DNAAF9: variants seen among roughly 807,000 people sequenced by gnomAD.
DNAAF9 encodes the protein shulin.
Under a neutral mutation model 167.0 loss-of-function variants are expected in DNAAF9, and 90 were observed. That is an observed-to-expected ratio of 0.54 (90% CI 0.45 to 0.64). The LOEUF (loss-of-function observed/expected upper bound fraction) is 0.64. Among genes scored for constraint, DNAAF9 ranks in the 30% least tolerant of loss-of-function variants. The pLI is 0.00. For synonymous variants in DNAAF9, 491 were observed against 508.8 expected, an observed-to-expected ratio of 0.96 and a Z score of 0.47; for missense variants, 1,315 against 1,442.2, an observed-to-expected ratio of 0.91 and a Z score of 1.43.
intron 14 of DNAAF9, among the ~76,000 whole-genome samples, chr20:3,323,878 G>A (rs951011213): frequency 1.3e-5 from 2 of 152,224 alleles, no homozygotes; most frequent in Non-Finnish European, 2.9e-5. Flanking sequence ...TTTACAAGGT[G>A]GGTAGCTGAA....
At chr20:3,293,623 T>C (rs898432831) in intron 25 of DNAAF9, among the ~76,000 whole-genome samples, 31 of 139,502 alleles carry the variant, frequency 2.2e-4, no homozygotes, top group Admixed American at 3.9e-4. Context: ...GGGCGGAGGT[T>C]GCAGTGAGCC....
intron 29 of DNAAF9, among the ~76,000 whole-genome samples, chr20:3,276,269 G>A (rs1169041649): frequency 6.6e-6 from 1 of 152,132 alleles, no homozygotes; most frequent in Non-Finnish European, 1.5e-5. Context: ...TCCCTCCCCA[G>A]ACAGCCCATG....
chr20:3,343,062 T>TA (rs5839994), intron 9 of DNAAF9, among the ~76,000 whole-genome samples: 112,680 of 152,004 alleles, frequency 0.74, 42,008 homozygotes, highest in African/African-American at 0.82. Context: ...CATGTTCATT[T>TA]GTTAGGTCCC....
chr20:3,397,720 G>T (rs74573746), intron 1 of DNAAF9, among the ~76,000 whole-genome samples: 108 of 39,602 alleles, frequency 2.7e-3, no homozygotes, highest in South Asian at 2.8e-3. Flanking sequence ...GATTTTTTTT[G>T]GGGGGGGGGA....
At chr20:3,310,748 A>T (rs185160354) in intron 20 of DNAAF9, among the ~76,000 whole-genome samples, 1 of 152,242 alleles carries the variant, frequency 6.6e-6, no homozygotes, top group East Asian at 1.9e-4. Context: ...ACATGAGCAA[A>T]AAACAAGAAC....
intron 30 of DNAAF9, 25 bp downstream of exon 30, chr20:3,270,402 C>A: frequency 1.2e-6 from 2 of 1,609,126 alleles, no homozygotes; most frequent in South Asian, 2.2e-5. Context: ...AGCAACTGGT[C>A]TTGCAGAGTG....
At chr20:3,389,577 T>C (rs2083797567) in intron 1 of DNAAF9, among the ~76,000 whole-genome samples, 1 of 147,770 alleles carries the variant, frequency 6.8e-6, no homozygotes, top group African/African-American at 2.5e-5. Flanking sequence ...GACCAACATG[T>C]GCAACATAGC....
intron 30 of DNAAF9, among the ~76,000 whole-genome samples, chr20:3,267,698 G>A (rs1481325935): frequency 1.3e-5 from 2 of 152,038 alleles, no homozygotes; most frequent in African/African-American, 2.4e-5. Context: ...AGTCTGGTAT[G>A]GTGGTATGCA....
chr20:3,273,560 G>A (rs562987554), intron 29 of DNAAF9, among the ~76,000 whole-genome samples: 4 of 150,942 alleles, frequency 2.7e-5, no homozygotes, highest in Non-Finnish European at 2.9e-5. Context: ...AAGGGGCGGG[G>A]GAGGTGCCAC....
chr20:3,295,705 TC>T (rs1275714773), intron 23 of DNAAF9: 1 of 581,506 alleles, frequency 1.7e-6, no homozygotes. Context: ...CCTGCAACCG[TC>T]CCCTTTTATT....
Position 3,263,013 on chromosome 20 carries a change from C to T in DNAAF9, c.2873+1425G>A, listed in dbSNP as rs182175940. On this transcript the variant is annotated intron_variant, in intron 31 of 36. Transcript: ENST00000252032. ...TTTTTGAGACGGAGTCTCGCTCTGTCGCCCAAGCTGGAGTGCAGTGGCGTG... is the reference window on the plus strand; with the variant it reads ...TTTTTGAGACGGAGTCTCGCTCTGTTGCCCAAGCTGGAGTGCAGTGGCGTG... Among the ~76,000 whole-genome samples the T allele has an allele frequency of 3.8e-3, 474 of 123,538 alleles. 3 individuals are homozygous for T. Among genetic ancestry groups the T allele is most frequent in the African/African-American group, 0.013 (444 of 33,140 alleles). 81.0% of individuals were successfully genotyped at this position (123,538 alleles called of 152,430 possible). A position where few individuals can be genotyped will look rare whatever the true frequency, so the allele number is the denominator to read the frequency against.
Position 3,318,305 on chromosome 20 carries a change from G to T in DNAAF9, c.1452C>A (p.Ile484=). The T allele has an allele frequency of 1.3e-6, 2 of 1,503,706 alleles. No homozygotes were observed. The highest frequency in any genetic ancestry group is 9.2e-7 in the Non-Finnish European group (1 of 1,085,990). 93.1% of individuals were successfully genotyped at this position (1,503,706 alleles called of 1,614,324 possible). ...TATACTTACCCTTTTCTTTAACTAAGATCTGAGAAGTCAAAAATGATTCAG... is the reference window on the plus strand; with the variant it reads ...TATACTTACCCTTTTCTTTAACTAATATCTGAGAAGTCAAAAATGATTCAG... The part of the protein sequence containing the change: ...VFSESFLTSQ[I]LVKEKDGTVT... The change falls in exon 17 of 37, where the codon ATC becomes ATA. Residue 484 remains isoleucine, a synonymous_variant. Transcript: ENST00000252032.
chr20:3,341,787 T>G (rs958208052), intron 9 of DNAAF9, among the ~76,000 whole-genome samples: 2 of 152,170 alleles, frequency 1.3e-5, no homozygotes, highest in Non-Finnish European at 2.9e-5. Context: ...TATATATACA[T>G]ATTTTTTTGA....
At chr20:3,304,674 C>A (rs2069257883) in intron 20 of DNAAF9, 131 bp from the exon 21 acceptor site, 1 of 614,400 alleles carries the variant, frequency 1.6e-6, no homozygotes, top group Admixed American at 3.1e-5. Flanking sequence ...GATTTGTATG[C>A]TGAGCCCTGT....
At chr20:3,342,408 T>C (rs6037560) in intron 9 of DNAAF9, among the ~76,000 whole-genome samples, 29,885 of 152,130 alleles carry the variant, frequency 0.2, 3,150 homozygotes, top group African/African-American at 0.25. Flanking sequence ...TTAATGTCTT[T>C]TTCTCCACTA....
intron 12 of DNAAF9, among the ~76,000 whole-genome samples, chr20:3,328,822 G>A (rs79830873): frequency 0.016 from 2,388 of 149,482 alleles, 38 homozygotes; most frequent in Non-Finnish European, 0.023. Flanking sequence ...AGATATATAC[G>A]TATACATACA....
intron 20 of DNAAF9, among the ~76,000 whole-genome samples, chr20:3,308,104 C>T (rs1394650578): frequency 1.3e-5 from 2 of 152,106 alleles, no homozygotes; most frequent in South Asian, 2.1e-4. Flanking sequence ...GAGAGCCCTT[C>T]TCTTCCACCC....
intron 1 of DNAAF9, among the ~76,000 whole-genome samples, chr20:3,392,281 A>T (rs1283603824): frequency 1.3e-5 from 2 of 152,200 alleles, no homozygotes; most frequent in East Asian, 3.8e-4. Flanking sequence ...TGTAAGTTCT[A>T]CCTTTAGAAG....
At chr20:3,296,811 C>G in intron 23 of DNAAF9, 50 bp downstream of exon 23, 1 of 1,182,802 alleles carries the variant, frequency 8.5e-7, no homozygotes, top group Non-Finnish European at 1.3e-6. Flanking sequence ...AGAGAGAGCA[C>G]ACCCACAAAG....
Sources: gnomAD v4.1 joint callset for allele counts (sites outside exome capture counted in the v4.1 genomes callset) on GRCh38, gnomAD v4.1.1 for gene constraint, MANE v1.5 for transcripts, NCBI Gene and HGNC (gene_info 2026-07-23, HGNC 2026-07-21) for gene names.